TENM3: variants seen among roughly 807,000 people sequenced by gnomAD.
TENM3 encodes teneurin transmembrane protein 3.
In TENM3, 63 loss-of-function variants were observed where a neutral mutation model predicts 255.1. The ratio of observed to expected loss-of-function variants is 0.25; its 90% CI spans 0.20 to 0.30. The LOEUF (loss-of-function observed/expected upper bound fraction) is 0.30. Ranked by LOEUF, TENM3 falls within the 10% of genes least tolerant of loss-of-function variation. The probability of loss-of-function intolerance (pLI) is 1.00; values close to 1 mark genes in which losing one functional copy is unlikely to be tolerated. For synonymous variants in TENM3, 1,306 were observed against 1,322.3 expected (o/e 0.99, Z 0.27); for missense variants, 2,929 against 3,461.1 (o/e 0.85, Z 3.86).
intron 1 of TENM3, among the ~76,000 whole-genome samples, chr4:182,270,505 A>G (rs537795031): frequency 6.6e-6 from 1 of 152,278 alleles, no homozygotes; most frequent in African/African-American, 2.4e-5. Context: ...ACTCCAAAGG[A>G]GAAGGTATAG....
chr4:182,307,321 A>T (rs1762192024), intron 1 of TENM3, among the ~76,000 whole-genome samples: 1 of 152,170 alleles, frequency 6.6e-6, no homozygotes, highest in Admixed American at 6.5e-5. Flanking sequence ...AATCATCGTA[A>T]TCTGTGCTAA....
the TENM3 span, among the ~76,000 whole-genome samples, chr4:181,684,910 G>A: frequency 9.4e-5 from 13 of 137,986 alleles, no homozygotes; most frequent in Middle Eastern, 3.8e-3. Flanking sequence ...GTGCACCACC[G>A]TGCCTGGCTT....
intron 3 of TENM3, among the ~76,000 whole-genome samples, chr4:182,484,589 ATTGT>A (rs1734523526): frequency 6.6e-6 from 1 of 152,274 alleles, no homozygotes; most frequent in East Asian, 1.9e-4. Context: ...ACCTATGAGA[ATTGT>A]TTGTTAAAAT....
At chr4:181,893,473 T>A in the TENM3 span, among the ~76,000 whole-genome samples, 3 of 114,488 alleles carry the variant, frequency 2.6e-5, no homozygotes, top group African/African-American at 8.8e-5. Flanking sequence ...GCATCTCTAC[T>A]TCCACTTTCC....
chr4:182,406,413 G>A (rs1356126541), intron 3 of TENM3, among the ~76,000 whole-genome samples: 1 of 152,140 alleles, frequency 6.6e-6, no homozygotes, highest in Non-Finnish European at 1.5e-5. Context: ...AGGGACAGAA[G>A]GTAAAGTATT....
intron 1 of TENM3, among the ~76,000 whole-genome samples, chr4:182,167,610 C>T (rs2149677708): frequency 1.3e-5 from 2 of 152,286 alleles, no homozygotes; most frequent in Middle Eastern, 3.4e-3. Flanking sequence ...TGGTGGCTCA[C>T]ACCTATAATC....
At chr4:182,360,971 T>TCACTTA (rs1383758464) in intron 3 of TENM3, among the ~76,000 whole-genome samples, 1 of 152,226 alleles carries the variant, frequency 6.6e-6, no homozygotes. Flanking sequence ...TATTTCTCCT[T>TCACTTA]CACTTATGAA....
chr4:182,605,353 G>A (rs1748308028), intron 4 of TENM3, among the ~76,000 whole-genome samples: 1 of 152,022 alleles, frequency 6.6e-6, no homozygotes, highest in African/African-American at 2.4e-5. Flanking sequence ...GGTACCTGTG[G>A]GGAAAAGGAA....
chr4:182,667,751 A>G (rs533813545), intron 6 of TENM3, among the ~76,000 whole-genome samples: 7 of 151,490 alleles, frequency 4.6e-5, no homozygotes, highest in African/African-American at 1.5e-4. Context: ...ACACTTGGAC[A>G]CAGGAAGGGG....
rs35538818 is a variant in TENM3 at position 182,701,210 on chromosome 4, C to CTTTTTTTTTTTTTTTTTTTTTTTTTTTT, written c.2221+12860_2222-12849dup. 2.3e-4 allele frequency among the ~76,000 whole-genome samples: 9 copies of CTTTTTTTTTTTTTTTTTTTTTTTTTTTT among 38,644 alleles called. 4 individuals carry two copies. Among genetic ancestry groups the CTTTTTTTTTTTTTTTTTTTTTTTTTTTT allele is most frequent in the Non-Finnish European group, 3.0e-4 (7 of 23,206 alleles). 25.4% of individuals were successfully genotyped at this position (38,644 alleles called of 152,430 possible). A position where few individuals can be genotyped will look rare whatever the true frequency, so the allele number is the denominator to read the frequency against. ...TTTTCACATACAGTCCAACTCTTGA[C>CTTTTTTTTTTTTTTTTTTTTTTTTTTTT]TTTTTTTTTTTTTTTTTTTTTTTTT... On this transcript the variant is annotated intron_variant, in intron 12 of 27. Transcript: ENST00000511685.
At chr4:182,233,219 C>G (rs753146376) in intron 1 of TENM3, among the ~76,000 whole-genome samples, 2 of 152,140 alleles carry the variant, frequency 1.3e-5, no homozygotes, top group African/African-American at 2.4e-5. Flanking sequence ...CAGAAATTCC[C>G]GGATGCCTCC....
the TENM3 span, among the ~76,000 whole-genome samples, chr4:181,464,728 A>G: frequency 6.6e-6 from 1 of 152,068 alleles, no homozygotes; most frequent in Non-Finnish European, 1.5e-5. Context: ...AGGCTGTTGG[A>G]TCACCTGAGG....
At chr4:181,921,519 G>A in the TENM3 span, among the ~76,000 whole-genome samples, 5 of 152,154 alleles carry the variant, frequency 3.3e-5, no homozygotes, top group African/African-American at 1.2e-4. Context: ...GTTCCCTCAT[G>A]ATTTGGCTCT....
At chr4:181,890,985 T>C in the TENM3 span, among the ~76,000 whole-genome samples, 14 of 152,322 alleles carry the variant, frequency 9.2e-5, no homozygotes, top group Admixed American at 2.0e-4. Context: ...GTTCTAATAG[T>C]ATTGACTACA....
intron 5 of TENM3, 21 bp from the exon 6 acceptor site, chr4:182,653,750 A>C (rs766904246): frequency 6.3e-7 from 1 of 1,593,404 alleles, no homozygotes; most frequent in East Asian, 2.3e-5. Context: ...TCTTTAAACA[A>C]CTTGTGTTCT....
At chr4:182,071,627 T>A in the TENM3 span, among the ~76,000 whole-genome samples, 1 of 151,966 alleles carries the variant, frequency 6.6e-6, no homozygotes, top group East Asian at 1.9e-4. Context: ...TTGTACATAT[T>A]TGGGGGTACA....
chr4:181,663,739 A>G, the TENM3 span, among the ~76,000 whole-genome samples: 8 of 152,274 alleles, frequency 5.3e-5, no homozygotes, highest in Middle Eastern at 3.4e-3. Context: ...AAAGAAACAT[A>G]CAAGAATGGG....
At chr4:182,450,289 T>C (rs1445541165) in intron 3 of TENM3, among the ~76,000 whole-genome samples, 1 of 152,220 alleles carries the variant, frequency 6.6e-6, no homozygotes, top group Non-Finnish European at 1.5e-5. Flanking sequence ...AAGAAAGGAT[T>C]GCAAATACCC....
the TENM3 span, among the ~76,000 whole-genome samples, chr4:181,657,696 G>T: frequency 7.2e-5 from 11 of 152,086 alleles, no homozygotes; most frequent in African/African-American, 2.4e-4. Context: ...CATCACAGCT[G>T]TATTCACAAT....
Sources: allele counts gnomAD v4.1 joint callset (sites outside exome capture counted in the v4.1 genomes callset), GRCh38; gene constraint gnomAD v4.1.1; transcripts MANE v1.5; gene names NCBI Gene and HGNC (gene_info 2026-07-23, HGNC 2026-07-21).